The following PIK3CG variants were observed in gnomAD, a reference collection of about 807,000 sequenced individuals.
PIK3CG encodes the protein phosphatidylinositol 4,5-bisphosphate 3-kinase catalytic subunit gamma isoform.
PIK3CG carries 55 observed loss-of-function variants against 102.3 expected under a neutral mutation model. The observed-to-expected ratio is 0.54, with a 90% confidence interval of 0.43 to 0.67. The LOEUF (loss-of-function observed/expected upper bound fraction) is 0.67. PIK3CG is among the 30% of genes least tolerant of loss of function. The pLI is 0.00. For missense variants in PIK3CG, 1,258 were observed against 1,391.8 expected, an observed-to-expected ratio of 0.90 and a Z score of 1.53; for synonymous variants, 552 against 540.0, an observed-to-expected ratio of 1.02 and a Z score of -0.31.
At chr7:106,876,437 G>A (rs1204658148) in intron 5 of PIK3CG, among the ~76,000 whole-genome samples, 1 of 150,410 alleles carries the variant, frequency 6.6e-6, no homozygotes, top group Non-Finnish European at 1.5e-5. Flanking sequence ...TGTCGCCCAG[G>A]GTGGAGTGCA....
Position 106,868,340 on chromosome 7 carries a change from A to G in PIK3CG, c.779A>G (p.Asp260Gly), listed in dbSNP as rs1400336407. The part of the protein sequence containing the change: ...TKMAKKKSLM[D>G]IPESQSEQDF... ...ATGGCCAAGAAGAAATCTCTGATGG[A>G]TATTCCCGAAAGCCAAAGCGAACAG... The change falls in exon 2 of 11, where the codon GAT becomes GGT. Residue 260 changes from aspartate to glycine, a missense_variant. By Grantham distance (94) the Asp-to-Gly change is moderately conservative. This residue lies in a region of PIK3CG where 832 missense variants were observed against 787.5 expected (regional missense o/e 1.06). Transcript: ENST00000496166. This position sits in a 1 kb window ranked among gnomAD's most constrained non-coding sequence, Gnocchi z 6.2. The G allele has an allele frequency of 1.9e-6, 3 of 1,614,102 alleles. No individual in the cohort carries two copies. Among genetic ancestry groups the G allele is most frequent in the African/African-American group, 1.3e-5 (1 of 74,938 alleles).
chr7:106,900,123 T>C (rs958539158), intron 10 of PIK3CG, among the ~76,000 whole-genome samples: 2 of 152,104 alleles, frequency 1.3e-5, no homozygotes, highest in Non-Finnish European at 2.9e-5. Context: ...CTCTTCTAGG[T>C]TTTCTAGTTT....
rs778076800 is a variant in PIK3CG at position 106,886,238 on chromosome 7, C to T, written c.2976C>T (p.Leu992=). The part of the protein sequence containing the change: ...RVPFVLTPDF[L]FVMGTSGKKT... ...CATTTGTGCTAACCCCTGACTTCCT[C>T]TTTGTGATGGGAACTTCTGGAAAGA... The change falls in exon 10 of 11, where the codon CTC becomes CTT. Residue 992 remains leucine, a synonymous_variant. Coordinates refer to ENST00000496166, the MANE Select transcript of PIK3CG (RefSeq NM_001282426.2). 3 of 1,614,200 alleles carry T rather than the reference C, an allele frequency of 1.9e-6. No homozygotes were observed. The South Asian group carries it at 3.3e-5, about 18-fold the overall frequency.
At chr7:106,886,380 T>C in intron 10 of PIK3CG, 88 bp downstream of exon 10, 1 of 1,378,746 alleles carries the variant, frequency 7.3e-7, no homozygotes, top group East Asian at 2.3e-5. Context: ...CTCACTCAGC[T>C]TGGAGGCCAG....
chr7:106,898,695 G>A (rs1584347726), intron 10 of PIK3CG, among the ~76,000 whole-genome samples: 1 of 152,116 alleles, frequency 6.6e-6, no homozygotes, highest in African/African-American at 2.4e-5. Context: ...TCATAGATGT[G>A]TGGCCTTATT....
chr7:106,875,723 G>T (rs1265858261), intron 5 of PIK3CG, among the ~76,000 whole-genome samples: 1 of 152,084 alleles, frequency 6.6e-6, no homozygotes, highest in South Asian at 2.1e-4. Flanking sequence ...ACCACAGTTT[G>T]TTTTCCATTC....
In PIK3CG at chr7:106,899,522, T is replaced by C. The variant is rs1409355301; in HGVS notation, c.3031-5587T>C. On this transcript the variant is annotated intron_variant, in intron 10 of 10. Coordinates refer to ENST00000496166, the MANE Select transcript of PIK3CG (RefSeq NM_001282426.2). The surrounding 1 kb of genome is among the most constrained non-coding windows in gnomAD (Gnocchi z 4.6). ...GTTTGTCATAAATGGCTCTCATTAT[T>C]TTGAGATATGTTCCTTCAATACCTA... 4.6e-5 allele frequency among the ~76,000 whole-genome samples: 7 copies of C among 152,208 alleles called. No homozygotes were observed. Among genetic ancestry groups the C allele is most frequent in the African/African-American group, 1.7e-4 (7 of 41,456 alleles).
rs374310317 is a variant in PIK3CG, at chr7:106,892,201, A to C, written c.3030+5909A>C. ...TGACATTCTTCCAAGGGCTGCAGCC[A>C]TCTCAGCATCATTTCCGGTCACTAT... On this transcript the variant is annotated intron_variant, in intron 10 of 10. Coordinates refer to ENST00000496166, the MANE Select transcript of PIK3CG (RefSeq NM_001282426.2). The surrounding 1 kb of genome is among the most constrained non-coding windows in gnomAD (Gnocchi z 5.2). 6.6e-6 allele frequency among the ~76,000 whole-genome samples: 1 copy of C among 151,404 alleles called. No homozygotes were observed. The highest frequency in any genetic ancestry group is 2.1e-4 in the South Asian group (1 of 4,752).
rs2116482573 is a variant in PIK3CG at position 106,872,579 on chromosome 7, T to A, written c.2038T>A (p.Phe680Ile). 6.2e-7 allele frequency: 1 copy of A among 1,614,018 alleles called. No homozygotes were observed. Among genetic ancestry groups the A allele is most frequent in the Non-Finnish European group, 8.5e-7 (1 of 1,179,848 alleles). ...ATACCATGATAGCGCCCTTGCCAGATTTCTGCTGAAGCGTGGTTTAAGAGT... is the reference window on the plus strand; with the variant it reads ...ATACCATGATAGCGCCCTTGCCAGAATTCTGCTGAAGCGTGGTTTAAGAGT... Reference protein sequence around the residue: ...EPYHDSALARFLLKRGLRNKR... With the variant: ...EPYHDSALARILLKRGLRNKR... The change falls in exon 3 of 11, where the codon TTT (phenylalanine) becomes ATT (isoleucine). Residue 680 changes from phenylalanine to isoleucine, a missense_variant. Coordinates refer to ENST00000496166, the MANE Select transcript of PIK3CG (RefSeq NM_001282426.2). The surrounding 1 kb of genome is among the most constrained non-coding windows in gnomAD (Gnocchi z 5.3).
rs2116520546 is a variant in PIK3CG at position 106,879,447 on chromosome 7, G to A, written c.2392-72G>A. 1 of 1,220,690 alleles carries A rather than the reference G, an allele frequency of 8.2e-7. No individual in the cohort carries two copies. Among genetic ancestry groups the A allele is most frequent in the East Asian group, 2.3e-5 (1 of 43,006 alleles). The allele number at this position is 1,220,690 out of a possible 1,614,324, so 75.6% of individuals were successfully genotyped here. On this transcript the variant is annotated intron_variant, in intron 5 of 10. Transcript: ENST00000496166. This position sits in a 1 kb window ranked among gnomAD's most constrained non-coding sequence, Gnocchi z 4.9. ...TGTTGTTTATAGTGATGTTTTGCAA[G>A]AGAATTTGTGTCTCCACCATGTATA... is the stretch of plus-strand genomic sequence containing the variant.
rs1790894430 is a variant in PIK3CG at position 106,880,335 on chromosome 7, A to G, written c.2538+670A>G. Among the ~76,000 whole-genome samples, 1 of 152,196 alleles carries G rather than the reference A, an allele frequency of 6.6e-6. No individual in the cohort carries two copies. Among genetic ancestry groups the G allele is most frequent in the Non-Finnish European group, 1.5e-5 (1 of 68,026 alleles). On this transcript the variant is annotated intron_variant, in intron 6 of 10. Transcript: ENST00000496166. This position sits in a 1 kb window ranked among gnomAD's most constrained non-coding sequence, Gnocchi z 4.2. Reference sequence around the variant, plus strand: ...TAATATGGTTTATTTGAAGTAGACAAATTACATTGATTTCAAGGTAGCCTA... The same window carrying G: ...TAATATGGTTTATTTGAAGTAGACAGATTACATTGATTTCAAGGTAGCCTA...
intron 5 of PIK3CG, among the ~76,000 whole-genome samples, chr7:106,878,483 C>T (rs532590380): frequency 1.3e-5 from 2 of 152,150 alleles, no homozygotes; most frequent in Non-Finnish European, 2.9e-5. Flanking sequence ...GTAATTTAGA[C>T]TGCTGGACTC....
rs375102386 is a variant in PIK3CG at position 106,901,741 on chromosome 7, T to C, written c.3031-3368T>C. Among the ~76,000 whole-genome samples the C allele has an allele frequency of 2.4e-4, 37 of 152,332 alleles. No homozygotes were observed. In the East Asian group the frequency reaches 3.5e-3, roughly 14 times the overall value. ...GAGAACAGTCAACAGAATTCTTTTC[T>C]GGATGTTTTCACCAGGCCAAGGCTT... On this transcript the variant is annotated intron_variant, in intron 10 of 10. Transcript: ENST00000496166.
chr7:106,865,718 T>C (rs1790258450), intron 1 of PIK3CG: 1 of 152,216 alleles, frequency 6.6e-6, no homozygotes, highest in Admixed American at 6.5e-5. Flanking sequence ...ACTTACAGTG[T>C]TTCCAACATC....
chr7:106,889,827 T>C (rs1433310560), intron 10 of PIK3CG, among the ~76,000 whole-genome samples: 2 of 152,070 alleles, frequency 1.3e-5, no homozygotes, highest in African/African-American at 2.4e-5. Context: ...ACTTCTAGAA[T>C]AGGGGAGAGT....
intron 9 of PIK3CG, among the ~76,000 whole-genome samples, chr7:106,885,065 C>G (rs1791046248): frequency 6.6e-6 from 1 of 152,154 alleles, no homozygotes; most frequent in Non-Finnish European, 1.5e-5. Flanking sequence ...GCTGTAAATA[C>G]AGATGAAGTT....
rs543402073 is a variant in PIK3CG at position 106,895,580 on chromosome 7, G to T, written c.3030+9288G>T. Among the ~76,000 whole-genome samples the T allele has an allele frequency of 6.6e-6, 1 of 152,156 alleles. No homozygotes were observed. The highest frequency in any genetic ancestry group is 6.5e-5 in the Admixed American group (1 of 15,278). On this transcript the variant is annotated intron_variant, in intron 10 of 10. Transcript: ENST00000496166. This position sits in a 1 kb window ranked among gnomAD's most constrained non-coding sequence, Gnocchi z 5.4. ...CCATGACAGCCTCCCTTTGACACTG[G>T]TTGGAGTGAGGCTTATCCCCAACTC...
chr7:106,867,408 T>G lies in PIK3CG; in HGVS notation c.-12-142T>G, dbSNP rs1160738752. ...AAGCCCACGCTCTGAAGGGCTGTAG[T>G]GCTTCCAGTTTAAAATACTTGGTCC... On this transcript the variant is annotated intron_variant, in intron 1 of 10. Transcript: ENST00000496166. The surrounding 1 kb of genome is among the most constrained non-coding windows in gnomAD (Gnocchi z 5.1). 5.5e-6 allele frequency: 4 copies of G among 723,434 alleles called. No homozygotes were observed. The highest frequency in any genetic ancestry group is 4.6e-6 in the Non-Finnish European group (2 of 437,498). The allele number at this position is 723,434 out of a possible 1,614,324, so 44.8% of individuals were successfully genotyped here. A position where few individuals can be genotyped will look rare whatever the true frequency, so the allele number is the denominator to read the frequency against.
chr7:106,870,982 C>T (rs1469396725), intron 2 of PIK3CG, among the ~76,000 whole-genome samples: 1 of 152,080 alleles, frequency 6.6e-6, no homozygotes, highest in African/African-American at 2.4e-5. Flanking sequence ...TGTTGCAAAC[C>T]CCAAGGCTAA....
Sources: gnomAD v4.1 joint callset for allele counts (sites outside exome capture counted in the v4.1 genomes callset) on GRCh38, gnomAD v4.1.1 for gene constraint, gnomAD v4.1.1 regional missense constraint, Gnocchi (gnomAD v3.1) non-coding constraint, MANE v1.5 for transcripts, NCBI Gene and HGNC (gene_info 2026-07-23, HGNC 2026-07-21) for gene names.